EPHB1: variants seen among roughly 807,000 people sequenced by gnomAD.
The protein encoded by EPHB1 is EPH receptor B1.
A neutral mutation model predicts 94.4 loss-of-function variants in EPHB1; 30 were observed. That is an observed-to-expected ratio of 0.32 (90% CI 0.24 to 0.43). EPHB1 has a LOEUF of 0.43. Among genes scored for constraint, EPHB1 ranks in the 20% least tolerant of loss-of-function variants. The pLI, the probability that EPHB1 is intolerant of heterozygous loss-of-function variation, is 1.00. For missense variants in EPHB1, 1,055 were observed against 1,308.3 expected, an observed-to-expected ratio of 0.81 and a Z score of 2.99; for synonymous variants, 522 against 489.1, an observed-to-expected ratio of 1.07 and a Z score of -0.89.
chr3:135,245,992 G>A (rs1050686822), intron 13 of EPHB1, among the ~76,000 whole-genome samples: 11 of 152,132 alleles, frequency 7.2e-5, no homozygotes, highest in African/African-American at 2.7e-4. Flanking sequence ...ACATCATGGA[G>A]CTGCGCTCTC....
chr3:135,174,083 C>T (rs569495375), intron 9 of EPHB1, among the ~76,000 whole-genome samples: 2 of 152,182 alleles, frequency 1.3e-5, no homozygotes, highest in Non-Finnish European at 2.9e-5. Flanking sequence ...ATAACAACCT[C>T]ATAGCTATTT....
intron 12 of EPHB1, among the ~76,000 whole-genome samples, chr3:135,235,563 C>T (rs533253539): frequency 5.6e-4 from 85 of 152,252 alleles, no homozygotes; most frequent in Middle Eastern, 3.4e-3. Flanking sequence ...GGCACCACTC[C>T]GAGAAATTCG....
At chr3:134,804,695 A>G (rs1358007527) in intron 1 of EPHB1, among the ~76,000 whole-genome samples, 1 of 152,024 alleles carries the variant, frequency 6.6e-6, no homozygotes, top group Non-Finnish European at 1.5e-5. Flanking sequence ...TGTCCTGCTT[A>G]CCCTTGGCCT....
In EPHB1 at chr3:134,808,812, G is replaced by T. The variant is rs559418434; in HGVS notation, c.58+13123G>T. On this transcript the variant is annotated intron_variant, in intron 1 of 15. Coordinates refer to ENST00000398015, the MANE Select transcript of EPHB1 (RefSeq NM_004441.5). ...AGTGCTGAATAGGCAGATAGCAGTG[G>T]TGTTTGGTTAAAGGCAAAGTGATTT... Among the ~76,000 whole-genome samples, 19 of 152,364 alleles carry T rather than the reference G, an allele frequency of 1.2e-4. No individual in the cohort carries two copies. In the South Asian group the frequency reaches 3.7e-3, roughly 30 times the overall value.
At chr3:134,873,578 T>C (rs2037547308) in intron 1 of EPHB1, among the ~76,000 whole-genome samples, 1 of 152,246 alleles carries the variant, frequency 6.6e-6, no homozygotes, top group Non-Finnish European at 1.5e-5. Flanking sequence ...GGTTCTTCTT[T>C]GAGCTGTCTG....
intron 1 of EPHB1, among the ~76,000 whole-genome samples, chr3:134,919,516 G>A (rs1169479296): frequency 6.6e-6 from 1 of 152,208 alleles, no homozygotes; most frequent in Non-Finnish European, 1.5e-5. Context: ...AGCCTGTACA[G>A]GCAGCAGGAG....
chr3:134,940,680 CCTGATTACCCCACTGCCAG>C (rs1298026059), intron 2 of EPHB1, among the ~76,000 whole-genome samples: 1 of 152,208 alleles, frequency 6.6e-6, no homozygotes, highest in Non-Finnish European at 1.5e-5. Flanking sequence ...GGAGATCTTC[CCTGATTACCCCACTGCCAG>C]CTGTCACTCT....
intron 1 of EPHB1, among the ~76,000 whole-genome samples, chr3:134,798,554 C>CT (rs1162579571): frequency 6.6e-6 from 1 of 152,186 alleles, no homozygotes; most frequent in African/African-American, 2.4e-5. Context: ...AAAAGATCCG[C>CT]TGGGGCTAAG....
chr3:135,197,059 AC>A (rs764041842), intron 11 of EPHB1, among the ~76,000 whole-genome samples: 5 of 151,134 alleles, frequency 3.3e-5, no homozygotes, highest in African/African-American at 9.7e-5. Context: ...GGAGTTTGAG[AC>A]CTGCCTGGGC....
chr3:134,897,155 G>A (rs2038102351), intron 1 of EPHB1, among the ~76,000 whole-genome samples: 1 of 152,218 alleles, frequency 6.6e-6, no homozygotes, highest in Admixed American at 6.5e-5. Flanking sequence ...TTCCTGAAGG[G>A]CAGTTATCTT....
intron 3 of EPHB1, among the ~76,000 whole-genome samples, chr3:134,981,470 C>T (rs896451317): frequency 6.6e-6 from 1 of 152,174 alleles, no homozygotes; most frequent in African/African-American, 2.4e-5. Flanking sequence ...ACACATATTA[C>T]TTCTATTTAC....
At chr3:135,224,477 G>A (rs895838621) in intron 12 of EPHB1, among the ~76,000 whole-genome samples, 1 of 151,968 alleles carries the variant, frequency 6.6e-6, no homozygotes, top group African/African-American at 2.4e-5. Context: ...TTCCTTATTG[G>A]TATTATTACT....
intron 2 of EPHB1, among the ~76,000 whole-genome samples, chr3:134,938,460 C>A (rs1027906904): frequency 6.6e-6 from 1 of 152,214 alleles, no homozygotes; most frequent in Non-Finnish European, 1.5e-5. Context: ...AGCTAACCAG[C>A]GCTCACAGGG....
intron 1 of EPHB1, among the ~76,000 whole-genome samples, chr3:134,919,579 G>T (rs1578197303): frequency 1.3e-5 from 2 of 152,188 alleles, no homozygotes; most frequent in African/African-American, 4.8e-5. Flanking sequence ...CTGGGCTCCT[G>T]TTGCAAGGGC....
At chr3:134,863,742 T>G (rs1440922447) in intron 1 of EPHB1, among the ~76,000 whole-genome samples, 1 of 152,242 alleles carries the variant, frequency 6.6e-6, no homozygotes. Context: ...GCTCCTTCTT[T>G]CTTGCTAATG....
chr3:135,179,973 A>G lies in EPHB1; in HGVS notation c.1873A>G (p.Ile625Val). ...DVSFVKIEEV[I>V]GAGEFGEVYK... Reference sequence around the variant, plus strand: ...ATCTTTTGTGAAAATTGAAGAGGTCATCGGAGCAGGTATGGCTCTTCCCTG... The same window carrying G: ...ATCTTTTGTGAAAATTGAAGAGGTCGTCGGAGCAGGTATGGCTCTTCCCTG... Residue 625 changes from isoleucine (I) to valine (V), a missense_variant, in exon 10 of 16, where the codon ATC (isoleucine) becomes GTC (valine). By Grantham distance (29) the Ile-to-Val change is conservative. Transcript: ENST00000398015. 6 of 1,613,880 alleles carry G rather than the reference A, an allele frequency of 3.7e-6. No individual in the cohort carries two copies. The highest frequency in any genetic ancestry group is 2.2e-5 in the East Asian group (1 of 44,874).
At chr3:135,084,233 C>T (rs1191516040) in intron 3 of EPHB1, among the ~76,000 whole-genome samples, 1 of 152,126 alleles carries the variant, frequency 6.6e-6, no homozygotes, top group Non-Finnish European at 1.5e-5. Flanking sequence ...AGATGCCCTG[C>T]ACGCTAATGG....
At position 134,820,580 on chromosome 3, in the gene EPHB1, G is replaced by A. The variant is rs190863100; in HGVS notation, c.58+24891G>A. Among the ~76,000 whole-genome samples, 357 of 152,302 alleles carry A rather than the reference G, an allele frequency of 2.3e-3. 4 individuals carry two copies. The highest frequency in any genetic ancestry group is 1.7e-3 in the Non-Finnish European group (117 of 68,034). On this transcript the variant is annotated intron_variant, in intron 1 of 15. Transcript: ENST00000398015. ...CACAAAACTATTAATATTATTCCAT[G>A]CAGAGACAAGCAGCCAGAATAATTA...
intron 5 of EPHB1, among the ~76,000 whole-genome samples, chr3:135,136,849 C>G (rs1044051675): frequency 6.6e-6 from 1 of 152,180 alleles, no homozygotes; most frequent in African/African-American, 2.4e-5. Context: ...AGGGATACAT[C>G]CTTGCACTGA....
Sources: allele counts gnomAD v4.1 joint callset (sites outside exome capture counted in the v4.1 genomes callset), GRCh38; gene constraint gnomAD v4.1.1; transcripts MANE v1.5; gene names NCBI Gene and HGNC (gene_info 2026-07-23, HGNC 2026-07-21).